Variants in TUBA1A observed in about 807,000 individuals in gnomAD.
TUBA1A encodes the protein tubulin alpha 1a.
TUBA1A carries 7 observed loss-of-function variants against 34.6 expected under a neutral mutation model. The ratio of observed to expected loss-of-function variants is 0.20; its 90% CI spans 0.11 to 0.38. The LOEUF (loss-of-function observed/expected upper bound fraction) is 0.38, where lower values mean the gene tolerates loss of function less well. TUBA1A is among the 10% of genes least tolerant of loss of function. The pLI, the probability that TUBA1A is intolerant of heterozygous loss-of-function variation, is 1.00. For synonymous variants in TUBA1A, 193 were observed against 210.2 expected (o/e 0.92, Z 0.71); for missense variants, 19 against 581.3 (o/e 0.03, Z 9.95).
chr12:49,188,422 T>G lies in TUBA1A; in HGVS notation c.3+555A>C, dbSNP rs771601875. 1.0e-5 allele frequency: 16 copies of G among 1,535,682 alleles called. No individual in the cohort carries two copies. The African/African-American group carries it at 2.2e-4, about 21-fold the overall frequency. ...GGGCTCCGGCAGAAACTCACCATGT[T>G]TTCCCGGGAATGTGTGGGTATCTTT... On this transcript the variant is annotated intron_variant, in intron 1 of 3. Transcript: ENST00000301071. The surrounding 1 kb of genome is among the most constrained non-coding windows in gnomAD (Gnocchi z 4.9).
chr12:49,184,934 A>G lies in TUBA1A; in HGVS notation c.*76T>C. 1 of 1,611,942 alleles carries G rather than the reference A, an allele frequency of 6.2e-7. No homozygotes were observed. The highest frequency in any genetic ancestry group is 1.1e-5 in the South Asian group (1 of 90,988). ...TACACTGCTACATACAAATTAACTG[A>G]TCAGACCACAACTTTTCAATGTTTA... On this transcript the variant is annotated 3_prime_UTR_variant, in exon 4 of 4. Coordinates refer to ENST00000301071, the MANE Select transcript of TUBA1A (RefSeq NM_006009.4).
Position 49,188,471 on chromosome 12 carries a change from G to A in TUBA1A, c.3+506C>T. ...TTCCAAAACGCCAAAGACCGCGGAG[G>A]GTCTTCCCACGCTAACCCTAGGCTG... On this transcript the variant is annotated intron_variant, in intron 1 of 3. Transcript: ENST00000301071. This position sits in a 1 kb window ranked among gnomAD's most constrained non-coding sequence, Gnocchi z 4.9. 4 of 1,535,298 alleles carry A rather than the reference G, an allele frequency of 2.6e-6. No individual in the cohort carries two copies. The highest frequency in any genetic ancestry group is 3.5e-6 in the Non-Finnish European group (4 of 1,146,386).
Position 49,187,606 on chromosome 12 carries a change from T to TAAA in TUBA1A, c.4-776_4-774dup. 4 of 980,340 alleles carry TAAA rather than the reference T, an allele frequency of 4.1e-6. No homozygotes were observed. The African/African-American group carries it at 5.3e-5, about 13-fold the overall frequency. 60.7% of individuals were successfully genotyped at this position (980,340 alleles called of 1,614,324 possible). On this transcript the variant is annotated intron_variant, in intron 1 of 3. Coordinates refer to ENST00000301071, the MANE Select transcript of TUBA1A (RefSeq NM_006009.4). ...GTAGCAATTTCATTACTTTTTTTTT[T>TAAA]AAAAAAAAAGGTTTTTCCAGATCTT...
chr12:49,185,048 C>T lies in TUBA1A; in HGVS notation c.1318G>A (p.Val440Ile), dbSNP rs749746325. ...CCTTCTTCCTCACCCTCTCCTTCAA[C>T]AGAATCCACACCAACCTCCTCATAA... Reference protein sequence around the residue: ...KDYEEVGVDSVEGEGEEEGEE... With the variant: ...KDYEEVGVDSIEGEGEEEGEE... Residue 440 changes from valine (V) to isoleucine (I), a missense_variant, in exon 4 of 4, where the codon GTT becomes ATT. Physicochemically the swap from Val to Ile is conservative, Grantham distance 29. Coordinates refer to ENST00000301071, the MANE Select transcript of TUBA1A (RefSeq NM_006009.4). The T allele has an allele frequency of 1.9e-6, 3 of 1,614,214 alleles. No homozygotes were observed. The highest frequency in any genetic ancestry group is 4.5e-5 in the East Asian group (2 of 44,892).
chr12:49,187,511 T>A, intron 1 of TUBA1A: 1 of 985,792 alleles, frequency 1.0e-6, no homozygotes, highest in Non-Finnish European at 1.2e-6. Flanking sequence ...TGTGCCTGAA[T>A]TGAAATGAAT....
intron 1 of TUBA1A, chr12:49,187,136 A>C (rs1275953870): frequency 2.2e-5 from 27 of 1,252,452 alleles, no homozygotes; most frequent in East Asian, 3.9e-5. Flanking sequence ...TCAAAGCACA[A>C]ATTTTGTAAA....
In TUBA1A at chr12:49,186,097, T is replaced by C. The variant is rs2121245683; in HGVS notation, c.376-107A>G. The C allele has an allele frequency of 2.0e-6, 3 of 1,536,314 alleles. No homozygotes were observed. Among genetic ancestry groups the C allele is most frequent in the Middle Eastern group, 1.7e-4 (1 of 5,766 alleles). ...CATACATCTTCCAGGACTTAGATCT[T>C]ATTTTGACAAATGCTTTTTAAAAAA... On this transcript the variant is annotated intron_variant, in intron 3 of 3. Transcript: ENST00000301071. This position sits in a 1 kb window ranked among gnomAD's most constrained non-coding sequence, Gnocchi z 6.6.
Position 49,188,025 on chromosome 12 carries a change from C to CAG in TUBA1A, c.3+951_3+952insCT, listed in dbSNP as rs758374525. The CAG allele has an allele frequency of 1.9e-5, 12 of 627,276 alleles. No homozygotes were observed. In the South Asian group the frequency reaches 3.8e-4, roughly 20 times the overall value. The allele number at this position is 627,276 out of a possible 1,614,324, so 38.9% of individuals were successfully genotyped here. A position where few individuals can be genotyped will look rare whatever the true frequency, so the allele number is the denominator to read the frequency against. ...CGTGCAGTCCAGACAGACAGACAGA[C>CAG]ACACACACACACACACACACACTTC... On this transcript the variant is annotated intron_variant, in intron 1 of 3. Transcript: ENST00000301071. This position sits in a 1 kb window ranked among gnomAD's most constrained non-coding sequence, Gnocchi z 4.9.
At position 49,184,822 on chromosome 12, in the gene TUBA1A, C is replaced by G; in HGVS notation, c.*188G>C. On this transcript the variant is annotated 3_prime_UTR_variant, in exon 4 of 4. Transcript: ENST00000301071. ...CATTTAAGACAGGGAATACTTTATT[C>G]AAAACCCATCACAGAAATGGACAGC... The G allele has an allele frequency of 1.1e-6, 1 of 926,782 alleles. No individual in the cohort carries two copies. Among genetic ancestry groups the G allele is most frequent in the South Asian group, 1.6e-5 (1 of 63,880 alleles). The allele number at this position is 926,782 out of a possible 1,614,324, so 57.4% of individuals were successfully genotyped here.
rs11829764 is a variant in TUBA1A, at chr12:49,185,358, C to T, written c.1008G>A (p.Lys336=). ...CCACAAACTGGATGGTACGCTTGGT[C>T]TTGATGGTGGCAATGGCAGCATTGA... ...KDVNAAIATI[K]TKRTIQFVDW... is the part of the protein sequence containing the mutation. The change falls in exon 4 of 4, where the codon AAG becomes AAA. Residue 336 remains lysine, a synonymous_variant. Transcript: ENST00000301071. The T allele has an allele frequency of 1.7e-3, 2,783 of 1,614,134 alleles. 29 individuals carry two copies. The African/African-American group carries it at 0.027, about 16-fold the overall frequency.
chr12:49,187,844 G>T, intron 1 of TUBA1A: 3 of 952,532 alleles, frequency 3.1e-6, no homozygotes, highest in Non-Finnish European at 3.6e-6. Flanking sequence ...TCCAATAGAG[G>T]TTTTCTTCTC....
chr12:49,187,368 T>G, intron 1 of TUBA1A: 5 of 1,026,176 alleles, frequency 4.9e-6, no homozygotes, highest in Non-Finnish European at 5.9e-6. Context: ...CATTGCTGTA[T>G]TTGCTGTGCC....
chr12:49,188,879 G>A lies in TUBA1A; in HGVS notation c.3+98C>T, dbSNP rs1942217127. On this transcript the variant is annotated intron_variant, in intron 1 of 3. Coordinates refer to ENST00000301071, the MANE Select transcript of TUBA1A (RefSeq NM_006009.4). This position sits in a 1 kb window ranked among gnomAD's most constrained non-coding sequence, Gnocchi z 4.9. ...CAAAACATACCACCACCCTCGCCCA[G>A]AGAGCTTACGAAAGAAAAGAGCTTA... The A allele has an allele frequency of 1.9e-6, 3 of 1,613,092 alleles. No homozygotes were observed. The highest frequency in any genetic ancestry group is 3.3e-5 in the Admixed American group (2 of 60,032).
In TUBA1A at chr12:49,188,290, C is replaced by T; in HGVS notation, c.3+687G>A. Reference sequence around the variant, plus strand: ...TTTTTGTTTTTTTTTCAGTCAGCTCCTGACAGAAGAGGTTCAGTGAGGGCG... The same window carrying T: ...TTTTTGTTTTTTTTTCAGTCAGCTCTTGACAGAAGAGGTTCAGTGAGGGCG... On this transcript the variant is annotated intron_variant, in intron 1 of 3. Transcript: ENST00000301071. The surrounding 1 kb of genome is among the most constrained non-coding windows in gnomAD (Gnocchi z 4.9). The T allele has an allele frequency of 1.7e-5, 24 of 1,440,538 alleles. No homozygotes were observed. Among genetic ancestry groups the T allele is most frequent in the Non-Finnish European group, 2.2e-5 (24 of 1,096,472 alleles). The allele number at this position is 1,440,538 out of a possible 1,614,324, so 89.2% of individuals were successfully genotyped here.
In TUBA1A at chr12:49,186,528, G is replaced by A. The variant is rs750924739; in HGVS notation, c.227-70C>T. ...GACGAGGAGCGGGGAGGGAGAGTGGGTGAGTGACCAGCGGAGCCCCCCAGG... is the reference window on the plus strand; with the variant it reads ...GACGAGGAGCGGGGAGGGAGAGTGGATGAGTGACCAGCGGAGCCCCCCAGG... On this transcript the variant is annotated intron_variant, in intron 2 of 3. Transcript: ENST00000301071. This position sits in a 1 kb window ranked among gnomAD's most constrained non-coding sequence, Gnocchi z 6.6. 2 of 1,612,712 alleles carry A rather than the reference G, an allele frequency of 1.2e-6. No homozygotes were observed. Among genetic ancestry groups the A allele is most frequent in the South Asian group, 2.2e-5 (2 of 91,036 alleles).
chr12:49,187,373 T>C (rs1942193629), intron 1 of TUBA1A: 2 of 1,025,632 alleles, frequency 2.0e-6, no homozygotes, highest in African/African-American at 1.7e-5. Flanking sequence ...CTGTATTTGC[T>C]GTGCCTGGTG....
Position 49,188,879 on chromosome 12 carries a change from G to C in TUBA1A, c.3+98C>G. On this transcript the variant is annotated intron_variant, in intron 1 of 3. Transcript: ENST00000301071. This position sits in a 1 kb window ranked among gnomAD's most constrained non-coding sequence, Gnocchi z 4.9. ...CAAAACATACCACCACCCTCGCCCA[G>C]AGAGCTTACGAAAGAAAAGAGCTTA... 29 of 1,613,092 alleles carry C rather than the reference G, an allele frequency of 1.8e-5. No individual in the cohort carries two copies. Among genetic ancestry groups the C allele is most frequent in the Non-Finnish European group, 2.3e-5 (27 of 1,179,962 alleles).
Position 49,186,125 on chromosome 12 carries a change from C to G in TUBA1A, c.376-135G>C. The stretch of plus-strand genomic sequence containing the variant: ...TTTGACAAATGCTTTTTAAAAAATT[C>G]TCATTAACATTTACAAAATGACATC... On this transcript the variant is annotated intron_variant, in intron 3 of 3. Coordinates refer to ENST00000301071, the MANE Select transcript of TUBA1A (RefSeq NM_006009.4). This position sits in a 1 kb window ranked among gnomAD's most constrained non-coding sequence, Gnocchi z 6.6. 1 of 1,517,812 alleles carries G rather than the reference C, an allele frequency of 6.6e-7. No individual in the cohort carries two copies. The highest frequency in any genetic ancestry group is 8.9e-7 in the Non-Finnish European group (1 of 1,129,398). 94.0% of individuals were successfully genotyped at this position (1,517,812 alleles called of 1,614,324 possible). A position where few individuals can be genotyped will look rare whatever the true frequency, so the allele number is the denominator to read the frequency against.
chr12:49,185,184 C>T lies in TUBA1A; in HGVS notation c.1182G>A (p.Lys394=). The change falls in exon 4 of 4, where the codon AAG becomes AAA. Residue 394 remains lysine (K), a synonymous_variant. Transcript: ENST00000301071. ...IAEAWARLDH[K]FDLMYAKRAF... is the part of the protein sequence containing the mutation. ...CACGTTTGGCATACATCAGGTCAAA[C>T]TTGTGGTCCAGGCGAGCCCAGGCCT... 1 of 1,614,182 alleles carries T rather than the reference C, an allele frequency of 6.2e-7. No homozygotes were observed. The highest frequency in any genetic ancestry group is 1.3e-5 in the African/African-American group (1 of 75,038).
Sources: allele counts gnomAD v4.1 joint callset, GRCh38; gene constraint gnomAD v4.1.1; non-coding constraint Gnocchi (gnomAD v3.1); transcripts MANE v1.5; gene names NCBI Gene and HGNC (gene_info 2026-07-23, HGNC 2026-07-21).